Variants in SGCZ observed in about 807,000 individuals in gnomAD.
The protein encoded by SGCZ is zeta-sarcoglycan.
In SGCZ, 40 loss-of-function variants were observed where a neutral mutation model predicts 41.3. The observed-to-expected ratio is 0.97, with a 90% CI of 0.75 to 1.26. The LOEUF is 1.26. SGCZ is among the 50% of genes most tolerant of loss of function. The pLI, the probability that SGCZ is intolerant of heterozygous loss-of-function variation, is 0.00. For missense variants in SGCZ, 552 were observed against 369.8 expected (o/e 1.49, Z -4.04); for synonymous variants, 206 against 137.5 (o/e 1.50, Z -3.49).
chr8:14,947,155 A>G (rs1800478971), intron 1 of SGCZ, among the ~76,000 whole-genome samples: 1 of 152,198 alleles, frequency 6.6e-6, no homozygotes, highest in Non-Finnish European at 1.5e-5. Context: ...CATACAAGTG[A>G]TAGTGTGATT....
intron 2 of SGCZ, among the ~76,000 whole-genome samples, chr8:14,526,106 G>A (rs1228779278): frequency 6.6e-6 from 1 of 152,050 alleles, no homozygotes; most frequent in African/African-American, 2.4e-5. Flanking sequence ...GCACAATAGA[G>A]TAGTTCTTCT....
At chr8:14,256,168 A>C (rs946185816) in intron 3 of SGCZ, among the ~76,000 whole-genome samples, 1 of 152,136 alleles carries the variant, frequency 6.6e-6, no homozygotes, top group Admixed American at 6.5e-5. Context: ...TCTTTCTTTA[A>C]TATGCTTCAT....
At chr8:15,126,347 A>G (rs2116962232) in intron 1 of SGCZ, among the ~76,000 whole-genome samples, 1 of 152,344 alleles carries the variant, frequency 6.6e-6, no homozygotes, top group East Asian at 1.9e-4. Context: ...GATTTATACT[A>G]AACTCTACCC....
intron 7 of SGCZ, among the ~76,000 whole-genome samples, chr8:14,098,915 T>A (rs546114367): frequency 6.6e-6 from 1 of 152,132 alleles, no homozygotes; most frequent in Admixed American, 6.6e-5. Context: ...CATAATGGTG[T>A]TCTCTGGTTC....
intron 2 of SGCZ, among the ~76,000 whole-genome samples, chr8:14,466,170 T>C (rs1187093786): frequency 6.6e-6 from 1 of 151,992 alleles, no homozygotes; most frequent in East Asian, 1.9e-4. Context: ...CTTATTCACC[T>C]TATTCAGCTT....
rs192854170 is a variant in SGCZ, at chr8:14,408,848, T to C, written c.235-84644A>G. The stretch of plus-strand genomic sequence containing the variant: ...TGGTTTCAGGTTAAATGTTAGCTCA[T>C]GATTGAGACCTTCTCTGAATTTTAC... On this transcript the variant is annotated intron_variant, in intron 2 of 7. Coordinates refer to ENST00000382080, the MANE Select transcript of SGCZ (RefSeq NM_139167.4). Among the ~76,000 whole-genome samples the C allele has an allele frequency of 3.0e-3, 453 of 152,324 alleles. 2 individuals are homozygous for C. Among genetic ancestry groups the C allele is most frequent in the African/African-American group, 0.01 (433 of 41,580 alleles).
At chr8:14,145,588 T>TA (rs1391377633) in intron 5 of SGCZ, among the ~76,000 whole-genome samples, 1 of 152,110 alleles carries the variant, frequency 6.6e-6, no homozygotes, top group Non-Finnish European at 1.5e-5. Flanking sequence ...GTAAATGAAC[T>TA]AAAAATAGCA....
At chr8:15,005,817 AT>A (rs1164607708) in intron 1 of SGCZ, among the ~76,000 whole-genome samples, 1 of 152,220 alleles carries the variant, frequency 6.6e-6, no homozygotes, top group African/African-American at 2.4e-5. Context: ...CTAAAATAAA[AT>A]AGTTCTGACC....
intron 2 of SGCZ, among the ~76,000 whole-genome samples, chr8:14,329,228 A>C (rs1372853603): frequency 9.2e-5 from 14 of 152,154 alleles, no homozygotes; most frequent in Non-Finnish European, 1.8e-4. Context: ...TTTATTTATT[A>C]ACTGTTGACT....
intron 1 of SGCZ, among the ~76,000 whole-genome samples, chr8:15,227,136 C>T (rs188212917): frequency 6.8e-4 from 104 of 152,162 alleles, no homozygotes; most frequent in African/African-American, 2.2e-3. Flanking sequence ...CATACATAAC[C>T]GGGCATCATC....
chr8:14,189,912 G>T (rs1197991969), intron 4 of SGCZ, among the ~76,000 whole-genome samples: 1 of 151,768 alleles, frequency 6.6e-6, no homozygotes, highest in African/African-American at 2.4e-5. Flanking sequence ...ACTACTGATA[G>T]AAAATTTGTT....
chr8:14,808,270 A>G (rs1413086841), intron 1 of SGCZ, among the ~76,000 whole-genome samples: 1 of 152,194 alleles, frequency 6.6e-6, no homozygotes, highest in African/African-American at 2.4e-5. Context: ...ACAGCAAAAG[A>G]AACTACCATC....
At chr8:14,750,165 T>C (rs1799454427) in intron 1 of SGCZ, among the ~76,000 whole-genome samples, 1 of 152,110 alleles carries the variant, frequency 6.6e-6, no homozygotes, top group Non-Finnish European at 1.5e-5. Flanking sequence ...AAGGAGAACA[T>C]ATCCCATCTG....
At chr8:14,362,157 G>A (rs1488171695) in intron 2 of SGCZ, among the ~76,000 whole-genome samples, 1 of 152,182 alleles carries the variant, frequency 6.6e-6, no homozygotes, top group African/African-American at 2.4e-5. Flanking sequence ...CCCCCTTGAG[G>A]AGGCAGTCTG....
chr8:14,769,159 G>A (rs963613358), intron 1 of SGCZ, among the ~76,000 whole-genome samples: 1 of 152,018 alleles, frequency 6.6e-6, no homozygotes, highest in Non-Finnish European at 1.5e-5. Flanking sequence ...AACCTTTAGG[G>A]AGCGAGGGAA....
chr8:15,227,738 G>A (rs111418032), intron 1 of SGCZ, among the ~76,000 whole-genome samples: 11 of 152,272 alleles, frequency 7.2e-5, no homozygotes, highest in African/African-American at 2.6e-4. Flanking sequence ...TGATGGCATT[G>A]CACATGTTGC....
chr8:14,791,162 C>A (rs1800939204), intron 1 of SGCZ, among the ~76,000 whole-genome samples: 1 of 151,898 alleles, frequency 6.6e-6, no homozygotes, highest in South Asian at 2.1e-4. Flanking sequence ...CTATAATGTA[C>A]ATGTTAATAT....
intron 3 of SGCZ, among the ~76,000 whole-genome samples, chr8:14,301,679 C>T (rs1801195413): frequency 6.6e-6 from 1 of 151,946 alleles, no homozygotes; most frequent in African/African-American, 2.4e-5. Context: ...ATTTATGGCC[C>T]AAACCCATTT....
intron 2 of SGCZ, among the ~76,000 whole-genome samples, chr8:14,420,774 T>C (rs1243676303): frequency 6.6e-6 from 1 of 152,118 alleles, no homozygotes; most frequent in Non-Finnish European, 1.5e-5. Context: ...GTCATTACAG[T>C]ATCACTTCTT....
Sources: allele counts gnomAD v4.1 joint callset (sites outside exome capture counted in the v4.1 genomes callset), GRCh38; gene constraint gnomAD v4.1.1; transcripts MANE v1.5; gene names NCBI Gene and HGNC (gene_info 2026-07-23, HGNC 2026-07-21).